Variants in CFAP57 observed in about 807,000 individuals in gnomAD.
CFAP57 encodes the protein cilia- and flagella-associated protein 57.
CFAP57 carries 116 observed loss-of-function variants against 146.8 expected under a neutral mutation model. The ratio of observed to expected loss-of-function variants is 0.79; its 90% confidence interval spans 0.68 to 0.92. The LOEUF is 0.92. Among genes scored for constraint, CFAP57 ranks in the 40% least tolerant of loss-of-function variants. The probability of loss-of-function intolerance (pLI) is 0.00; values close to 1 mark genes in which losing one functional copy is unlikely to be tolerated. For synonymous variants in CFAP57, 518 were observed against 552.8 expected (o/e 0.94, Z 0.88); for missense variants, 1,377 against 1,527.2 (o/e 0.90, Z 1.64).
chr1:43,175,888 T>C (rs1220344809), intron 2 of CFAP57, among the ~76,000 whole-genome samples: 2 of 151,534 alleles, frequency 1.3e-5, no homozygotes, highest in Non-Finnish European at 1.5e-5. Flanking sequence ...TTCTAGATAA[T>C]TACTTTAGAT....
rs1256085365 is a variant in CFAP57 at position 43,183,739 on chromosome 1, A to G, written c.623A>G (p.Asp208Gly). The G allele has an allele frequency of 6.2e-7, 1 of 1,614,088 alleles. No homozygotes were observed. Among genetic ancestry groups the G allele is most frequent in the Non-Finnish European group, 8.5e-7 (1 of 1,180,040 alleles). ...TATCTAGCTCACACCTGGGTGGCTG[A>G]TGACAAGATTGTCGTTGGCACTGAC... ...QNYLAHTWVADDKIVVGTDTG... is the reference protein window; with the variant it reads ...QNYLAHTWVAGDKIVVGTDTG... The change falls in exon 4 of 23, where the codon GAT (aspartate) becomes GGT (glycine). Residue 208 changes from aspartate (D) to glycine (G), a missense_variant. Transcript: ENST00000372492.
At chr1:43,177,309 C>T (rs1645211865) in intron 2 of CFAP57, 2 of 422,570 alleles carry the variant, frequency 4.7e-6, no homozygotes, top group African/African-American at 4.1e-5. Context: ...TTCATAGACA[C>T]CATGTGGGGT....
intron 9 of CFAP57, 199 bp from the exon 10 acceptor site, chr1:43,206,521 C>T: frequency 3.4e-6 from 2 of 593,964 alleles, no homozygotes; most frequent in Non-Finnish European, 6.0e-6. Context: ...AGTGTTTCAT[C>T]TTCAGTAATT....
At chr1:43,242,431 C>T (rs1013188728) in intron 21 of CFAP57, among the ~76,000 whole-genome samples, 1 of 150,870 alleles carries the variant, frequency 6.6e-6, no homozygotes, top group African/African-American at 2.4e-5. Flanking sequence ...ACTCAATAAA[C>T]ATTTATTAGA....
intron 18 of CFAP57, among the ~76,000 whole-genome samples, chr1:43,229,071 T>G (rs1645367909): frequency 6.7e-6 from 1 of 148,956 alleles, no homozygotes; most frequent in Non-Finnish European, 1.5e-5. Context: ...GGCACCAACG[T>G]TCATCAGACC....
Position 43,254,203 on chromosome 1 carries a change from G to A in CFAP57, c.*12G>A, listed in dbSNP as rs1458300598. ...TGAAGACCAACTGACCCCCTCTGGT[G>A]AGCCATCTCCAGCCACAGCCAGAAG... On this transcript the variant is annotated 3_prime_UTR_variant, in exon 23 of 23. Coordinates refer to ENST00000372492, the MANE Select transcript of CFAP57 (RefSeq NM_001378189.1). The A allele has an allele frequency of 6.5e-7, 1 of 1,540,656 alleles. No individual in the cohort carries two copies. The highest frequency in any genetic ancestry group is 8.8e-7 in the Non-Finnish European group (1 of 1,141,428).
chr1:43,177,179 G>C (rs754862628), intron 2 of CFAP57: 1 of 456,336 alleles, frequency 2.2e-6, no homozygotes, highest in Middle Eastern at 3.3e-4. Context: ...AGGAAGCAGG[G>C]AGAACAGCTG....
intron 18 of CFAP57, among the ~76,000 whole-genome samples, chr1:43,231,073 C>G (rs1348934623): frequency 6.6e-6 from 1 of 152,200 alleles, no homozygotes; most frequent in Non-Finnish European, 1.5e-5. Context: ...GTGTCCCTCA[C>G]TATTGCTCTC....
rs779616253 is a variant in CFAP57, at chr1:43,181,825, A to C, written c.449A>C (p.Asp150Ala). ...AAAGTAATGGCCATTGTTAGAATCGACACTCAGAACAACCCTGTCTACCAG... is the reference window on the plus strand; with the variant it reads ...AAAGTAATGGCCATTGTTAGAATCGCCACTCAGAACAACCCTGTCTACCAG... ...KQKVMAIVRI[D>A]TQNNPVYQVS... Residue 150 changes from aspartate (D) to alanine (A), a missense_variant, in exon 3 of 23, where the codon GAC becomes GCC. By Grantham distance (126) the Asp-to-Ala change is moderately radical (BLOSUM62 -2). Transcript: ENST00000372492. 6.2e-7 allele frequency: 1 copy of C among 1,614,204 alleles called. No individual in the cohort carries two copies. The highest frequency in any genetic ancestry group is 8.5e-7 in the Non-Finnish European group (1 of 1,180,030).
intron 16 of CFAP57, 29 bp from the exon 17 acceptor site, chr1:43,224,017 G>A: frequency 6.5e-7 from 1 of 1,549,862 alleles, no homozygotes; most frequent in Non-Finnish European, 8.7e-7. Context: ...GACTTTAGTG[G>A]TCTTTGTTGT....
chr1:43,209,755 A>G lies in CFAP57; in HGVS notation c.1768A>G (p.Ile590Val). The change falls in exon 11 of 23, where the codon ATA becomes GTA. Residue 590 changes from isoleucine (I) to valine (V), a missense_variant. Coordinates refer to ENST00000372492, the MANE Select transcript of CFAP57 (RefSeq NM_001378189.1). ...GCCTGTGTCTCAGATCCTTCGAGAG[A>G]TATCGGCGTTTGATGTCACCTACAC... Reference protein sequence around the residue: ...EIADSLILREISAFDVTYTAI... With the variant: ...EIADSLILREVSAFDVTYTAI... 6.2e-7 allele frequency: 1 copy of G among 1,614,118 alleles called. No individual in the cohort carries two copies. The highest frequency in any genetic ancestry group is 1.1e-5 in the South Asian group (1 of 91,060).
chr1:43,180,476 A>G (rs558825800), intron 2 of CFAP57, among the ~76,000 whole-genome samples: 23 of 152,122 alleles, frequency 1.5e-4, no homozygotes, highest in Non-Finnish European at 8.8e-5. Flanking sequence ...AGGGAGCGTG[A>G]GTGAGGCAAG....
rs1289107795 is a variant in CFAP57, at chr1:43,180,223, T to TTA, written c.158-1296_158-1295dup. Among the ~76,000 whole-genome samples the TTA allele has an allele frequency of 2.5e-3, 344 of 137,374 alleles. 9 individuals carry two copies. The highest frequency in any genetic ancestry group is 7.8e-3 in the East Asian group (35 of 4,516). The allele number at this position is 137,374 out of a possible 152,430, so 90.1% of individuals were successfully genotyped here. ...CTCTATCTCAAAAAATATATATATT[T>TTA]TATATATATATATATAAAATATATA... On this transcript the variant is annotated intron_variant, in intron 2 of 22. Transcript: ENST00000372492.
intron 4 of CFAP57, chr1:43,184,922 C>G (rs1642929227): frequency 1.9e-6 from 1 of 525,424 alleles, no homozygotes; most frequent in Non-Finnish European, 3.5e-6. Flanking sequence ...CTCTACAACT[C>G]TCGCCTCTGT....
chr1:43,174,634 A>G (rs895288035), intron 2 of CFAP57, among the ~76,000 whole-genome samples: 1 of 152,056 alleles, frequency 6.6e-6, no homozygotes, highest in Non-Finnish European at 1.5e-5. Flanking sequence ...TCGCCAACAT[A>G]GTGAAACCCC....
At chr1:43,216,222 C>T (rs993304906) in intron 12 of CFAP57, among the ~76,000 whole-genome samples, 1 of 152,074 alleles carries the variant, frequency 6.6e-6, no homozygotes, top group African/African-American at 2.4e-5. Flanking sequence ...AGTTGTGGGC[C>T]CTGTGACATG....
At chr1:43,199,582 A>G in intron 9 of CFAP57, 79 bp downstream of exon 9, 5 of 1,274,718 alleles carry the variant, frequency 3.9e-6, no homozygotes, top group East Asian at 2.3e-5. Context: ...ACAGGTGAAC[A>G]AAAGAGAGAT....
chr1:43,210,177 G>A, intron 11 of CFAP57: 2 of 1,549,184 alleles, frequency 1.3e-6, no homozygotes, highest in Non-Finnish European at 1.7e-6. Flanking sequence ...CATAATAAGG[G>A]GCCGTTTGGT....
rs1003136685 is a variant in CFAP57, at chr1:43,172,396, C to G, written c.-77C>G. The G allele has an allele frequency of 1.9e-6, 3 of 1,551,308 alleles. No homozygotes were observed. The African/African-American group carries it at 4.1e-5, about 21-fold the overall frequency. The stretch of plus-strand genomic sequence containing the variant: ...GAAAGTGTCCGGGTTGCTTAGGATC[C>G]CTACAGGTAGCGCCTCTGGATACAT... On this transcript the variant is annotated 5_prime_UTR_variant, in exon 1 of 23. Transcript: ENST00000372492.
Sources: allele counts gnomAD v4.1 joint callset (sites outside exome capture counted in the v4.1 genomes callset), GRCh38; gene constraint gnomAD v4.1.1; transcripts MANE v1.5; gene names NCBI Gene and HGNC (gene_info 2026-07-23, HGNC 2026-07-21).